The following CFAP77 variants were observed in gnomAD, a reference collection of about 807,000 sequenced individuals.
CFAP77 encodes the protein cilia and flagella associated protein 77, also known as cilia- and flagella-associated protein 77.
CFAP77 carries 25 observed loss-of-function variants against 31.1 expected under a neutral mutation model. The observed-to-expected ratio is 0.80, with a 90% confidence interval of 0.59 to 1.12. The LOEUF (loss-of-function observed/expected upper bound fraction) is 1.12, where lower values mean the gene tolerates loss of function less well. CFAP77 is among the 50% of genes most tolerant of loss of function. The pLI is 0.00. For synonymous variants in CFAP77, 151 were observed against 159.9 expected (o/e 0.94, Z 0.42); for missense variants, 377 against 397.3 (o/e 0.95, Z 0.44).
chr9:132,541,330 TCAGA>T lies in CFAP77; in HGVS notation c.631-1612_631-1609del, dbSNP rs1161337245. ...TATTGCTAGCAGAAGGAACTGAGGCTCAGACAGGTGACATGGCTGCTTGCCTCTA... is the reference window on the plus strand; with the variant it reads ...TATTGCTAGCAGAAGGAACTGAGGCTCAGGTGACATGGCTGCTTGCCTCTA... On this transcript the variant is annotated intron_variant, in intron 4 of 5. Transcript: ENST00000393216. Among the ~76,000 whole-genome samples, 5 of 152,242 alleles carry T rather than the reference TCAGA, an allele frequency of 3.3e-5. No homozygotes were observed. In the East Asian group the frequency reaches 9.6e-4, roughly 29 times the overall value.
At chr9:132,454,454 C>T (rs757396280) in intron 1 of CFAP77, among the ~76,000 whole-genome samples, 1 of 152,186 alleles carries the variant, frequency 6.6e-6, no homozygotes, top group East Asian at 1.9e-4. Flanking sequence ...AACTAAGCTT[C>T]TTTCTCCATA....
At chr9:132,429,210 A>C (rs1850362932) in intron 1 of CFAP77, among the ~76,000 whole-genome samples, 1 of 151,504 alleles carries the variant, frequency 6.6e-6, no homozygotes, top group Non-Finnish European at 1.5e-5. Context: ...TTTTCTTCTG[A>C]GTATGGAAAT....
At chr9:132,566,792 G>A (rs374466674) in intron 5 of CFAP77, among the ~76,000 whole-genome samples, 58 of 152,264 alleles carry the variant, frequency 3.8e-4, no homozygotes, top group East Asian at 3.1e-3. Context: ...TGGCCTCTGC[G>A]GATCTGTTTC....
chr9:132,559,087 C>T (rs1852951857), intron 5 of CFAP77, among the ~76,000 whole-genome samples: 1 of 151,560 alleles, frequency 6.6e-6, no homozygotes, highest in Non-Finnish European at 1.5e-5. Flanking sequence ...TGGCTCACGC[C>T]TGTAATCAGC....
At chr9:132,416,329 A>ATTTTTTTTTTTTTT (rs71503303) in intron 1 of CFAP77, among the ~76,000 whole-genome samples, 1 of 60,274 alleles carries the variant, frequency 1.7e-5, no homozygotes, top group Non-Finnish European at 3.1e-5. Context: ...TTCTTATCTG[A>ATTTTTTTTTTTTTT]TTTTTTTTTT....
chr9:132,548,627 G>C (rs1279996576), intron 5 of CFAP77, among the ~76,000 whole-genome samples: 1 of 151,982 alleles, frequency 6.6e-6, no homozygotes, highest in Non-Finnish European at 1.5e-5. Context: ...GTTATAATTA[G>C]AGACCCAACA....
At chr9:132,507,840 G>T (rs906150110) in intron 3 of CFAP77, among the ~76,000 whole-genome samples, 1 of 152,200 alleles carries the variant, frequency 6.6e-6, no homozygotes, top group African/African-American at 2.4e-5. Context: ...CTGACCACAA[G>T]GGGGAGCATG....
chr9:132,495,797 G>T lies in CFAP77; in HGVS notation c.196-2898G>T, dbSNP rs2118951579. ...GCAGAGCCCTTGTGATGGAATTTGTGCCCTTAAATGAAGAGGAAGAAAGCT... is the reference window on the plus strand; with the variant it reads ...GCAGAGCCCTTGTGATGGAATTTGTTCCCTTAAATGAAGAGGAAGAAAGCT... On this transcript the variant is annotated intron_variant, in intron 1 of 5. Transcript: ENST00000393216. This position sits in a 1 kb window ranked among gnomAD's most constrained non-coding sequence, Gnocchi z 4.2. Among the ~76,000 whole-genome samples the T allele has an allele frequency of 6.6e-6, 1 of 152,258 alleles. No individual in the cohort carries two copies. The highest frequency in any genetic ancestry group is 1.9e-4 in the East Asian group (1 of 5,190).
intron 1 of CFAP77, among the ~76,000 whole-genome samples, chr9:132,484,180 T>C (rs1318502532): frequency 6.6e-6 from 1 of 152,074 alleles, no homozygotes; most frequent in African/African-American, 2.4e-5. Context: ...TCAAGTGATC[T>C]GCCCGCCTCA....
At chr9:132,434,147 A>AAAAATAAAAT (rs765536685) in intron 1 of CFAP77, among the ~76,000 whole-genome samples, 4 of 151,794 alleles carry the variant, frequency 2.6e-5, no homozygotes, top group Admixed American at 2.6e-4. Context: ...TCGAAAAAAT[A>AAAAATAAAAT]AAAATAAAAT....
chr9:132,533,146 G>A (rs1047645647), intron 3 of CFAP77, among the ~76,000 whole-genome samples: 5 of 152,214 alleles, frequency 3.3e-5, no homozygotes, highest in Non-Finnish European at 4.4e-5. Context: ...TGACTGAATC[G>A]GAGGTGCCCT....
intron 1 of CFAP77, among the ~76,000 whole-genome samples, chr9:132,413,490 G>A (rs750077221): frequency 6.6e-5 from 10 of 152,136 alleles, no homozygotes; most frequent in African/African-American, 1.9e-4. Context: ...CAGTTAGCCC[G>A]TTTTCCTTCA....
At chr9:132,522,387 T>C (rs1852285031) in intron 3 of CFAP77, among the ~76,000 whole-genome samples, 1 of 152,214 alleles carries the variant, frequency 6.6e-6, no homozygotes, top group Admixed American at 6.5e-5. Context: ...TCTCTGGGCT[T>C]CGCTTCCCAT....
At chr9:132,425,358 T>A (rs989850778) in intron 1 of CFAP77, among the ~76,000 whole-genome samples, 1 of 152,020 alleles carries the variant, frequency 6.6e-6, no homozygotes, top group Non-Finnish European at 1.5e-5. Flanking sequence ...CCTCCCCCAC[T>A]CCTTTGCTCT....
chr9:132,488,116 AC>A (rs1851593551), intron 1 of CFAP77, among the ~76,000 whole-genome samples: 1 of 152,200 alleles, frequency 6.6e-6, no homozygotes. Context: ...CAACTGTCAA[AC>A]AAACATTAGT....
At position 132,517,522 on chromosome 9, in the gene CFAP77, A is replaced by G. The variant is rs1200119037; in HGVS notation, c.524+17922A>G. Among the ~76,000 whole-genome samples the G allele has an allele frequency of 6.6e-6, 1 of 152,240 alleles. No individual in the cohort carries two copies. The highest frequency in any genetic ancestry group is 1.5e-5 in the Non-Finnish European group (1 of 68,046). On this transcript the variant is annotated intron_variant, in intron 3 of 5. Coordinates refer to ENST00000393216, the MANE Select transcript of CFAP77 (RefSeq NM_001282957.2). This position sits in a 1 kb window ranked among gnomAD's most constrained non-coding sequence, Gnocchi z 4.7. ...CCTGCTGTGAACGGAGAGCCGTACT[A>G]AAATCCAGTTTGTCAGACCCAAGTC... is the stretch of plus-strand genomic sequence containing the variant.
intron 3 of CFAP77, among the ~76,000 whole-genome samples, chr9:132,504,038 CAAAGA>C (rs971220898): frequency 6.6e-5 from 10 of 152,194 alleles, no homozygotes; most frequent in African/African-American, 1.7e-4. Flanking sequence ...GACTCCATCT[CAAAGA>C]AAAGAAAAGA....
At position 132,424,143 on chromosome 9, in the gene CFAP77, C is replaced by G. The variant is rs112804674; in HGVS notation, c.195+13677C>G. On this transcript the variant is annotated intron_variant, in intron 1 of 5. Transcript: ENST00000393216. This position sits in a 1 kb window ranked among gnomAD's most constrained non-coding sequence, Gnocchi z 4.1. Reference sequence around the variant, plus strand: ...AGTTAGGAGGCCGGGTGTGGTGGCTCACGCCTGTAATCGCAGCACTTTGGG... The same window carrying G: ...AGTTAGGAGGCCGGGTGTGGTGGCTGACGCCTGTAATCGCAGCACTTTGGG... Among the ~76,000 whole-genome samples the G allele has an allele frequency of 2.4e-3, 365 of 152,302 alleles. 1 individual carries two copies. Among genetic ancestry groups the G allele is most frequent in the African/African-American group, 8.1e-3 (335 of 41,554 alleles).
At chr9:132,435,961 G>A (rs1004058789) in intron 1 of CFAP77, among the ~76,000 whole-genome samples, 4 of 152,132 alleles carry the variant, frequency 2.6e-5, no homozygotes, top group South Asian at 4.1e-4. Flanking sequence ...TCACCAGAGT[G>A]CATTTGCTCA....
Sources: allele counts gnomAD v4.1 joint callset (sites outside exome capture counted in the v4.1 genomes callset), GRCh38; gene constraint gnomAD v4.1.1; non-coding constraint Gnocchi (gnomAD v3.1); transcripts MANE v1.5; gene names NCBI Gene and HGNC (gene_info 2026-07-23, HGNC 2026-07-21).